RAPGEF5: variants seen among roughly 807,000 people sequenced by gnomAD.
RAPGEF5 encodes the protein M-Ras-regulated GEF.
RAPGEF5 carries 65 observed loss-of-function variants against 125.2 expected under a neutral mutation model. The ratio of observed to expected loss-of-function variants is 0.52; its 90% CI spans 0.43 to 0.64. RAPGEF5 has a LOEUF of 0.64. Among genes scored for constraint, RAPGEF5 ranks in the 30% least tolerant of loss-of-function variants. RAPGEF5 has a pLI of 0.00. For missense variants in RAPGEF5, 958 were observed against 1,048.1 expected (o/e 0.91, Z 1.19); for synonymous variants, 391 against 385.9 (o/e 1.01, Z -0.16).
At chr7:22,157,294 G>A (rs1246226861) in intron 15 of RAPGEF5, among the ~76,000 whole-genome samples, 1 of 152,162 alleles carries the variant, frequency 6.6e-6, no homozygotes, top group African/African-American at 2.4e-5. Flanking sequence ...GATGGTTTCA[G>A]TACCTCTGCT....
At position 22,240,906 on chromosome 7, in the gene RAPGEF5, T is replaced by C. The variant is rs532095637; in HGVS notation, c.797-9987A>G. 9.2e-5 allele frequency among the ~76,000 whole-genome samples: 14 copies of C among 152,344 alleles called. No individual in the cohort carries two copies. In the South Asian group the frequency reaches 2.3e-3, roughly 25 times the overall value. ...AGCAAAAGAAAAACAACTCTGAGCC[T>C]ACCTATGTGTCAGTACAAAGCTCTG... is the stretch of plus-strand genomic sequence containing the variant. On this transcript the variant is annotated intron_variant, in intron 7 of 25. Coordinates refer to ENST00000665637, the MANE Select transcript of RAPGEF5 (RefSeq NM_012294.5).
chr7:22,319,895 C>G (rs900336982), intron 1 of RAPGEF5, among the ~76,000 whole-genome samples: 5 of 151,276 alleles, frequency 3.3e-5, no homozygotes, highest in Non-Finnish European at 5.9e-5. Context: ...CAAAAGAAAA[C>G]AAGCCACTTG....
intron 18 of RAPGEF5, among the ~76,000 whole-genome samples, chr7:22,147,272 A>ATGTGT (rs760662180): frequency 3.9e-5 from 6 of 152,028 alleles, no homozygotes; most frequent in Admixed American, 2.0e-4. Flanking sequence ...CCCTACCCCC[A>ATGTGT]CGTGCACACA....
At chr7:22,311,638 G>T (rs969217885) in intron 3 of RAPGEF5, among the ~76,000 whole-genome samples, 3 of 152,102 alleles carry the variant, frequency 2.0e-5, no homozygotes, top group African/African-American at 7.2e-5. Context: ...ATACTCTAAG[G>T]CAATTAAGCC....
At chr7:22,339,086 T>TA in intron 1 of RAPGEF5, among the ~76,000 whole-genome samples, 1 of 152,238 alleles carries the variant, frequency 6.6e-6, no homozygotes. Flanking sequence ...TGTATGACCT[T>TA]ATGGGAACAC....
At chr7:22,174,886 G>GA (rs1784458074) in intron 11 of RAPGEF5, among the ~76,000 whole-genome samples, 1 of 152,130 alleles carries the variant, frequency 6.6e-6, no homozygotes, top group African/African-American at 2.4e-5. Flanking sequence ...AAGCTATTAG[G>GA]AAAAAATATC....
intron 7 of RAPGEF5, among the ~76,000 whole-genome samples, chr7:22,232,287 T>C (rs893992523): frequency 2.6e-5 from 4 of 151,632 alleles, no homozygotes; most frequent in Admixed American, 2.0e-4. Context: ...ACTGTACTTA[T>C]TGATTCAGTT....
Position 22,120,387 on chromosome 7 carries a change from T to C in RAPGEF5, c.*2019A>G, listed in dbSNP as rs942256309. ...CCATGGAAAATTAGTCCCCTAAAGGTAATGTTCTACTAGGAGCAATGTAGT... is the reference window on the plus strand; with the variant it reads ...CCATGGAAAATTAGTCCCCTAAAGGCAATGTTCTACTAGGAGCAATGTAGT... On this transcript the variant is annotated 3_prime_UTR_variant, in exon 26 of 26. Transcript: ENST00000665637. This position sits in a 1 kb window ranked among gnomAD's most constrained non-coding sequence, Gnocchi z 4.0. The C allele has an allele frequency of 2.0e-5, 3 of 152,490 alleles. No individual in the cohort carries two copies. Among genetic ancestry groups the C allele is most frequent in the Non-Finnish European group, 4.4e-5 (3 of 68,042 alleles). The allele number at this position is 152,490 out of a possible 1,614,324, so 9.4% of individuals were successfully genotyped here.
chr7:22,329,956 C>G (rs1382185112), intron 1 of RAPGEF5, among the ~76,000 whole-genome samples: 2 of 152,198 alleles, frequency 1.3e-5, no homozygotes. Flanking sequence ...TAACTCCTTC[C>G]CTCTGGGCAC....
At chr7:22,225,512 A>C (rs567295434) in intron 8 of RAPGEF5, among the ~76,000 whole-genome samples, 1 of 152,374 alleles carries the variant, frequency 6.6e-6, no homozygotes, top group African/African-American at 2.4e-5. Flanking sequence ...CATATATCCC[A>C]GATGATTTAT....
chr7:22,212,349 G>GTC (rs372056315), intron 9 of RAPGEF5, among the ~76,000 whole-genome samples: 9 of 151,018 alleles, frequency 6.0e-5, no homozygotes, highest in South Asian at 4.2e-4. Context: ...TTCAGATTCT[G>GTC]TCTCTCTCTC....
chr7:22,338,775 C>A (rs75674579), intron 1 of RAPGEF5, among the ~76,000 whole-genome samples: 1 of 152,106 alleles, frequency 6.6e-6, no homozygotes, highest in Admixed American at 6.5e-5. Context: ...TGGAGGAAGA[C>A]GGTGACAGGG....
chr7:22,130,602 C>T (rs1041200881), intron 24 of RAPGEF5, among the ~76,000 whole-genome samples: 2 of 152,124 alleles, frequency 1.3e-5, no homozygotes, highest in African/African-American at 4.8e-5. Context: ...AAACATATAT[C>T]CCCAGGAGAG....
At chr7:22,267,088 G>A in intron 6 of RAPGEF5, 76 bp from the exon 7 acceptor site, 1 of 1,362,208 alleles carries the variant, frequency 7.3e-7, no homozygotes, top group Admixed American at 2.0e-5. Flanking sequence ...TTTGTTCTTA[G>A]ATATCCAACC....
chr7:22,124,005 C>T (rs902367622), intron 25 of RAPGEF5, among the ~76,000 whole-genome samples: 1 of 152,146 alleles, frequency 6.6e-6, no homozygotes, highest in African/African-American at 2.4e-5. Context: ...TAATTCAGTT[C>T]CCAAACCAAT....
intron 6 of RAPGEF5, among the ~76,000 whole-genome samples, chr7:22,278,449 T>C (rs1396140845): frequency 1.3e-5 from 2 of 152,086 alleles, no homozygotes; most frequent in African/African-American, 4.8e-5. Flanking sequence ...TGGTTTTTGT[T>C]GGGTAATTTA....
intron 7 of RAPGEF5, among the ~76,000 whole-genome samples, chr7:22,231,485 C>A (rs1353309427): frequency 6.6e-6 from 1 of 152,160 alleles, no homozygotes; most frequent in African/African-American, 2.4e-5. Flanking sequence ...CTGACTCCAG[C>A]CTCTCACTAA....
At position 22,266,883 on chromosome 7, in the gene RAPGEF5, T is replaced by C. The variant is rs149040055; in HGVS notation, c.796+81A>G. 2,511 of 1,381,320 alleles carry C rather than the reference T, an allele frequency of 1.8e-3. 34 individuals carry two copies. The highest frequency in any genetic ancestry group is 0.013 in the South Asian group (1,011 of 80,850). 85.6% of individuals were successfully genotyped at this position (1,381,320 alleles called of 1,614,324 possible). A position where few individuals can be genotyped will look rare whatever the true frequency, so the allele number is the denominator to read the frequency against. ...TACACCATAACTTCCTGAGATACAC[T>C]CAACTGCACACTACCAGATGATATG... On this transcript the variant is annotated intron_variant, in intron 7 of 25. Coordinates refer to ENST00000665637, the MANE Select transcript of RAPGEF5 (RefSeq NM_012294.5).
At chr7:22,240,003 G>T (rs1437475718) in intron 7 of RAPGEF5, among the ~76,000 whole-genome samples, 2 of 151,950 alleles carry the variant, frequency 1.3e-5, no homozygotes, top group African/African-American at 4.8e-5. Context: ...GAGGTCAAGA[G>T]TTCGAGACCA....
Sources: gnomAD v4.1 joint callset for allele counts (sites outside exome capture counted in the v4.1 genomes callset) on GRCh38, gnomAD v4.1.1 for gene constraint, Gnocchi (gnomAD v3.1) non-coding constraint, MANE v1.5 for transcripts, NCBI Gene and HGNC (gene_info 2026-07-23, HGNC 2026-07-21) for gene names.